Variants in CASZ1 observed in about 807,000 individuals in gnomAD.
CASZ1 encodes the protein zinc finger protein castor homolog 1.
Under a neutral mutation model 135.2 loss-of-function variants are expected in CASZ1, and 28 were observed. That is an observed-to-expected ratio of 0.21 (90% CI 0.15 to 0.28). The LOEUF (loss-of-function observed/expected upper bound fraction) is 0.28, where lower values mean the gene tolerates loss of function less well. CASZ1 is among the 10% of genes least tolerant of loss of function. The pLI, the probability that CASZ1 is intolerant of heterozygous loss-of-function variation, is 1.00. For missense variants in CASZ1, 2,161 were observed against 2,453.3 expected (o/e 0.88, Z 2.52); for synonymous variants, 1,068 against 1,073.4 (o/e 0.99, Z 0.10).
rs745560631 is a variant in CASZ1, at chr1:10,649,410, T to C, written c.2908A>G (p.Ser970Gly). 2.7e-5 allele frequency: 44 copies of C among 1,611,256 alleles called. No individual in the cohort carries two copies. The highest frequency in any genetic ancestry group is 3.6e-5 in the Non-Finnish European group (42 of 1,179,074). ...KMSQGNPGLGSLLNIKAEAEG... is the reference protein window; with the variant it reads ...KMSQGNPGLGGLLNIKAEAEG... ...GCTTCCGCCTTGATGTTCAGCAGGCTGCCCAGGCCAGGGTTGCCCTGAGAC... is the reference window on the plus strand; with the variant it reads ...GCTTCCGCCTTGATGTTCAGCAGGCCGCCCAGGCCAGGGTTGCCCTGAGAC... Residue 970 changes from serine (S) to glycine (G), a missense_variant, in exon 14 of 21, where the codon AGC becomes GGC. Physicochemically the swap from Ser to Gly is moderately conservative, Grantham distance 56. Around this residue, in one of 7 missense-constraint regions of CASZ1, gnomAD observed 406 missense variants for 387.6 expected, o/e 1.05. Transcript: ENST00000377022.
At chr1:10,773,004 C>T (rs1363957428) in intron 1 of CASZ1, among the ~76,000 whole-genome samples, 1 of 152,016 alleles carries the variant, frequency 6.6e-6, no homozygotes, top group East Asian at 1.9e-4. Context: ...TCCTGGCCCC[C>T]ACTCACTAAG....
chr1:10,694,614 GCCGCCGCCCGGTGCGCCCGC>G lies in CASZ1; in HGVS notation c.-23-722_-23-703del, dbSNP rs1193369941. On this transcript the variant is annotated intron_variant, in intron 3 of 20. Coordinates refer to ENST00000377022, the MANE Select transcript of CASZ1 (RefSeq NM_001079843.3). The surrounding 1 kb of genome is among the most constrained non-coding windows in gnomAD (Gnocchi z 6.6). ...CGCCGCCGCCGCCGCCGCCGCCGCC[GCCGCCGCCCGGTGCGCCCGC>G]CCGCCGCCCGCCGCCCGGTGCCGGA... The G allele has an allele frequency of 7.1e-6, 1 of 140,138 alleles. No homozygotes were observed. Among genetic ancestry groups the G allele is most frequent in the Non-Finnish European group, 1.5e-5 (1 of 65,556 alleles). 8.7% of individuals were successfully genotyped at this position (140,138 alleles called of 1,614,324 possible). A position where few individuals can be genotyped will look rare whatever the true frequency, so the allele number is the denominator to read the frequency against.
At chr1:10,708,277 C>T (rs929182757) in intron 2 of CASZ1, among the ~76,000 whole-genome samples, 1 of 152,198 alleles carries the variant, frequency 6.6e-6, no homozygotes, top group South Asian at 2.1e-4. Flanking sequence ...ATCTTGGCCC[C>T]AGAGGCATCA....
At position 10,676,064 on chromosome 1, in the gene CASZ1, G is replaced by A. The variant is rs1336405627; in HGVS notation, c.17-10493C>T. On this transcript the variant is annotated intron_variant, in intron 4 of 20. Coordinates refer to ENST00000377022, the MANE Select transcript of CASZ1 (RefSeq NM_001079843.3). The surrounding 1 kb of genome is among the most constrained non-coding windows in gnomAD (Gnocchi z 4.5). ...CAGGCGCCCAACCCCAGCAGCCAGG[G>A]AGGGGCCCCAGGAAGAGGGCGGGGC... is the stretch of plus-strand genomic sequence containing the variant. Among the ~76,000 whole-genome samples the A allele has an allele frequency of 6.6e-6, 1 of 152,194 alleles. No individual in the cohort carries two copies. The highest frequency in any genetic ancestry group is 1.5e-5 in the Non-Finnish European group (1 of 68,018).
At chr1:10,749,493 C>T (rs2100552398) in intron 2 of CASZ1, among the ~76,000 whole-genome samples, 1 of 152,240 alleles carries the variant, frequency 6.6e-6, no homozygotes, top group Middle Eastern at 3.4e-3. Context: ...GTGATCCACC[C>T]ACCTCGGCCT....
At chr1:10,688,062 G>A (rs1040497069) in intron 4 of CASZ1, among the ~76,000 whole-genome samples, 2 of 152,190 alleles carry the variant, frequency 1.3e-5, no homozygotes, top group Non-Finnish European at 2.9e-5. Flanking sequence ...GCAGGAAGGC[G>A]TGAGCCCCGG....
chr1:10,646,303 C>G lies in CASZ1; in HGVS notation c.3521G>C (p.Cys1174Ser). Residue 1174 changes from cysteine (C) to serine (S), a missense_variant, in exon 17 of 21, where the codon TGC becomes TCC. Cys to Ser is a moderately radical substitution (Grantham distance 112). Around this residue, in one of 7 missense-constraint regions of CASZ1, gnomAD observed 349 missense variants for 460.8 expected, o/e 0.76. Coordinates refer to ENST00000377022, the MANE Select transcript of CASZ1 (RefSeq NM_001079843.3). The surrounding 1 kb of genome is among the most constrained non-coding windows in gnomAD (Gnocchi z 6.4). ...GAAGTGGAACTTGTTGGCGTACTTG[C>G]AGTCCGTGGCGAGGCAAGGATCGCT... The part of the protein sequence containing the change: ...QENDPCLATD[C>S]KYANKFHFHC... 1 of 1,614,098 alleles carries G rather than the reference C, an allele frequency of 6.2e-7. No individual in the cohort carries two copies. The highest frequency in any genetic ancestry group is 8.5e-7 in the Non-Finnish European group (1 of 1,180,008).
At chr1:10,692,046 G>A (rs532555348) in intron 4 of CASZ1, among the ~76,000 whole-genome samples, 1 of 152,168 alleles carries the variant, frequency 6.6e-6, no homozygotes, top group Non-Finnish European at 1.5e-5. Flanking sequence ...CTGGAGTGCT[G>A]GGAGAAGTCA....
intron 1 of CASZ1, among the ~76,000 whole-genome samples, chr1:10,784,228 C>A (rs1029467688): frequency 2.0e-5 from 3 of 152,168 alleles, no homozygotes; most frequent in Non-Finnish European, 2.9e-5. Flanking sequence ...TCTTGGGAGC[C>A]CTCACGACAT....
intron 2 of CASZ1, among the ~76,000 whole-genome samples, chr1:10,743,824 C>A (rs1418398925): frequency 1.7e-5 from 2 of 120,764 alleles, no homozygotes; most frequent in African/African-American, 6.4e-5. Context: ...GAGCAGAGAG[C>A]AAGAAGCGAG....
intron 18 of CASZ1, 59 bp downstream of exon 18, chr1:10,644,858 G>C (rs570629736): frequency 1.6e-5 from 24 of 1,538,562 alleles, no homozygotes; most frequent in Middle Eastern, 2.2e-4. Context: ...CCCAGGCCAC[G>C]GGGGCCATGG....
At position 10,699,923 on chromosome 1, in the gene CASZ1, TAGGTGGGAAGAAAA is replaced by T. The variant is rs1366542102; in HGVS notation, c.-24+5555_-24+5568del. 6.8e-6 allele frequency among the ~76,000 whole-genome samples: 1 copy of T among 146,744 alleles called. No homozygotes were observed. The highest frequency in any genetic ancestry group is 1.5e-5 in the Non-Finnish European group (1 of 66,580). ...CGTGGAGTGTGAGAGAAGAGAGAGG[TAGGTGGGAAGAAAA>T]AGGTGAGAAGAAACAGAAGAGAAGC... is the stretch of plus-strand genomic sequence containing the variant. On this transcript the variant is annotated intron_variant, in intron 3 of 20. Coordinates refer to ENST00000377022, the MANE Select transcript of CASZ1 (RefSeq NM_001079843.3). The surrounding 1 kb of genome is among the most constrained non-coding windows in gnomAD (Gnocchi z 4.6).
At chr1:10,714,372 C>T (rs1277151811) in intron 2 of CASZ1, among the ~76,000 whole-genome samples, 2 of 152,158 alleles carry the variant, frequency 1.3e-5, no homozygotes, top group Admixed American at 6.5e-5. Context: ...GAAACTTAAG[C>T]TCCCTGCCCG....
At chr1:10,675,791 G>GCC (rs1570458968) in intron 4 of CASZ1, among the ~76,000 whole-genome samples, 1 of 99,884 alleles carries the variant, frequency 1.0e-5, no homozygotes, top group Non-Finnish European at 1.8e-5. Context: ...CCTAGCACAT[G>GCC]ACCCCCCCCC....
intron 18 of CASZ1, 62 bp from the exon 19 acceptor site, chr1:10,643,373 C>T (rs1642269607): frequency 2.5e-6 from 4 of 1,574,416 alleles, no homozygotes; most frequent in African/African-American, 1.3e-5. Flanking sequence ...GCTTCCAGGT[C>T]CTGTTGGGCA....
rs988155860 is a variant in CASZ1, at chr1:10,739,321, C to T, written c.-77+21380G>A. On this transcript the variant is annotated intron_variant, in intron 2 of 20. Coordinates refer to ENST00000377022, the MANE Select transcript of CASZ1 (RefSeq NM_001079843.3). This position sits in a 1 kb window ranked among gnomAD's most constrained non-coding sequence, Gnocchi z 4.8. ...GGGTGCAGGTGAAGCTCACATGTGC[C>T]ACTCTGTGAGTGTCACCGCGAGGGA... 6.6e-6 allele frequency among the ~76,000 whole-genome samples: 1 copy of T among 152,104 alleles called. No individual in the cohort carries two copies. Among genetic ancestry groups the T allele is most frequent in the African/African-American group, 2.4e-5 (1 of 41,404 alleles).
intron 1 of CASZ1, among the ~76,000 whole-genome samples, chr1:10,766,584 A>G (rs1273852292): frequency 6.6e-6 from 1 of 152,146 alleles, no homozygotes; most frequent in Admixed American, 6.5e-5. Context: ...AGCCTGTGGT[A>G]ACACCCGGGT....
chr1:10,697,249 CTT>C lies in CASZ1; in HGVS notation c.-23-3339_-23-3338del, dbSNP rs1638954445. On this transcript the variant is annotated intron_variant, in intron 3 of 20. Coordinates refer to ENST00000377022, the MANE Select transcript of CASZ1 (RefSeq NM_001079843.3). This position sits in a 1 kb window ranked among gnomAD's most constrained non-coding sequence, Gnocchi z 4.7. The stretch of plus-strand genomic sequence containing the variant: ...GGGCCCCCAGATTATGCGCCCCCCC[CTT>C]CTCTCTCTTTCTCTCTGAGTGTATC... Among the ~76,000 whole-genome samples the C allele has an allele frequency of 6.6e-6, 1 of 152,018 alleles. No individual in the cohort carries two copies. Among genetic ancestry groups the C allele is most frequent in the African/African-American group, 2.4e-5 (1 of 41,362 alleles).
intron 20 of CASZ1, among the ~76,000 whole-genome samples, chr1:10,640,491 G>C (rs1219773932): frequency 1.3e-5 from 2 of 152,238 alleles, no homozygotes; most frequent in Non-Finnish European, 2.9e-5. Flanking sequence ...GGACAGGCCG[G>C]CTCCTTTCCC....
Sources: gnomAD v4.1 joint callset for allele counts (sites outside exome capture counted in the v4.1 genomes callset) on GRCh38, gnomAD v4.1.1 for gene constraint, gnomAD v4.1.1 regional missense constraint, Gnocchi (gnomAD v3.1) non-coding constraint, MANE v1.5 for transcripts, NCBI Gene and HGNC (gene_info 2026-07-23, HGNC 2026-07-21) for gene names.